Variants in CYP4Z1 observed in about 807,000 individuals in gnomAD.
CYP4Z1 encodes the protein cytochrome P450 4Z1.
CYP4Z1 carries 41 observed loss-of-function variants against 54.2 expected under a neutral mutation model. The observed-to-expected ratio is 0.76, with a 90% CI of 0.59 to 0.98. CYP4Z1 has a LOEUF of 0.98. Among genes scored for constraint, CYP4Z1 ranks in the 50% least tolerant of loss-of-function variants. CYP4Z1 has a pLI of 0.00. For synonymous variants in CYP4Z1, 163 were observed against 206.2 expected (o/e 0.79, Z 1.79); for missense variants, 513 against 599.0 (o/e 0.86, Z 1.50).
chr1:47,084,799 T>C, intron 5 of CYP4Z1, 25 bp from the exon 6 acceptor site: 1 of 1,602,228 alleles, frequency 6.2e-7, no homozygotes, highest in Non-Finnish European at 8.5e-7. Flanking sequence ...CCCACTAACA[T>C]GTTGTTCCAT....
intron 9 of CYP4Z1, among the ~76,000 whole-genome samples, chr1:47,115,195 GAC>G (rs1282745047): frequency 6.6e-6 from 1 of 151,976 alleles, no homozygotes. Context: ...CTATCGCAAG[GAC>G]AAAAAACCAA....
chr1:47,102,796 G>A (rs1644730109), intron 8 of CYP4Z1, among the ~76,000 whole-genome samples: 1 of 152,038 alleles, frequency 6.6e-6, no homozygotes, highest in South Asian at 2.1e-4. Context: ...ACTGTAATAC[G>A]CTGTAGAGAA....
At chr1:47,055,893 G>C in the CYP4Z1 span, among the ~76,000 whole-genome samples, 23 of 150,836 alleles carry the variant, frequency 1.5e-4, no homozygotes, top group African/African-American at 5.6e-4. Context: ...TTGATTTTTT[G>C]AAGGGTTTTT....
intron 8 of CYP4Z1, among the ~76,000 whole-genome samples, 169 bp downstream of exon 8, chr1:47,099,453 T>C (rs1314422794): frequency 6.6e-6 from 1 of 152,136 alleles, no homozygotes; most frequent in African/African-American, 2.4e-5. Context: ...CTAGTTTTTA[T>C]ATAGAAAAAC....
intron 6 of CYP4Z1, among the ~76,000 whole-genome samples, chr1:47,088,460 T>G (rs1204199066): frequency 6.6e-6 from 1 of 152,234 alleles, no homozygotes; most frequent in Non-Finnish European, 1.5e-5. Context: ...CCATTTCTTC[T>G]AGATTTACTA....
chr1:47,110,264 C>T (rs1331041987), intron 9 of CYP4Z1, among the ~76,000 whole-genome samples: 4 of 150,810 alleles, frequency 2.7e-5, no homozygotes, highest in Admixed American at 6.6e-5. Flanking sequence ...AAATAATTCA[C>T]AATCACTAAA....
At chr1:47,076,542 G>C (rs190537995) in intron 2 of CYP4Z1, among the ~76,000 whole-genome samples, 292 of 152,008 alleles carry the variant, frequency 1.9e-3, no homozygotes, top group African/African-American at 6.7e-3. Flanking sequence ...TTGTCCCTTT[G>C]GTTGTTTAAG....
At chr1:47,114,329 A>C (rs1049850276) in intron 9 of CYP4Z1, among the ~76,000 whole-genome samples, 1 of 152,178 alleles carries the variant, frequency 6.6e-6, no homozygotes, top group Non-Finnish European at 1.5e-5. Context: ...TTAGACCTAA[A>C]ACCATAAAAA....
chr1:47,098,053 G>A (rs1191116459), intron 7 of CYP4Z1, among the ~76,000 whole-genome samples: 1 of 152,064 alleles, frequency 6.6e-6, no homozygotes, highest in Non-Finnish European at 1.5e-5. Flanking sequence ...CTGAACTCAA[G>A]TGATCCTCCC....
At chr1:47,112,411 T>G (rs1460260908) in intron 9 of CYP4Z1, among the ~76,000 whole-genome samples, 26 of 152,150 alleles carry the variant, frequency 1.7e-4, no homozygotes, top group Admixed American at 1.7e-3. Flanking sequence ...TTCACAAATT[T>G]TTTCAAACCT....
At chr1:47,063,938 A>T (rs935194026), upstream of CYP4Z1, among the ~76,000 whole-genome samples, 1 of 152,198 alleles carries the variant, frequency 6.6e-6, no homozygotes, top group Admixed American at 6.5e-5. Context: ...GCACATAGCC[A>T]TCAGGTTATC....
rs573682468 is a variant in CYP4Z1, at chr1:47,087,862, A to G, written c.772+2884A>G. Among the ~76,000 whole-genome samples the G allele has an allele frequency of 1.2e-3, 185 of 152,320 alleles. 1 individual carries two copies. The highest frequency in any genetic ancestry group is 3.9e-3 in the African/African-American group (162 of 41,558). ...TAAATAGCTCTTATTATTTTGAGAT[A>G]CATCCCATCAATACCTAATTTATTG... On this transcript the variant is annotated intron_variant, in intron 6 of 11. Transcript: ENST00000334194.
At chr1:47,056,633 G>A in the CYP4Z1 span, among the ~76,000 whole-genome samples, 2 of 152,186 alleles carry the variant, frequency 1.3e-5, no homozygotes, top group African/African-American at 4.8e-5. Flanking sequence ...ATTTCAGATA[G>A]TTAGCTCTTC....
chr1:47,085,647 T>G (rs566215776), intron 6 of CYP4Z1, among the ~76,000 whole-genome samples: 1 of 152,270 alleles, frequency 6.6e-6, no homozygotes, highest in African/African-American at 2.4e-5. Flanking sequence ...TTTTTCCATT[T>G]CTGTGCCCTT....
intron 4 of CYP4Z1, among the ~76,000 whole-genome samples, chr1:47,082,718 A>G (rs78692985): frequency 6.6e-6 from 1 of 151,660 alleles, no homozygotes; most frequent in African/African-American, 2.4e-5. Context: ...CAGTAGACTC[A>G]CTACATTTGG....
intron 8 of CYP4Z1, among the ~76,000 whole-genome samples, chr1:47,105,891 T>C (rs1419501416): frequency 6.7e-6 from 1 of 149,144 alleles, no homozygotes; most frequent in Non-Finnish European, 1.5e-5. Context: ...GGAATAAGTA[T>C]GTCTCAGGAT....
rs1412791302 is a variant in CYP4Z1 at position 47,116,709 on chromosome 1, C to T, written c.1326C>T (p.Phe442=). Residue 442 remains phenylalanine (F), a synonymous_variant, in exon 11 of 12, where the codon TTC becomes TTT. Coordinates refer to ENST00000334194, the MANE Select transcript of CYP4Z1 (RefSeq NM_178134.3). ...CTGAAAAAATACATCCCTATGCCTT[C>T]ATACCATTCTCAGCTGGATTAAGGT... ...ENSEKIHPYA[F]IPFSAGLRNC... is the part of the protein sequence containing the mutation. The T allele has an allele frequency of 6.2e-7, 1 of 1,610,894 alleles. No individual in the cohort carries two copies. Among genetic ancestry groups the T allele is most frequent in the Non-Finnish European group, 8.5e-7 (1 of 1,177,904 alleles).
At chr1:47,116,790 T>G in intron 11 of CYP4Z1, 58 bp downstream of exon 11, 3 of 1,315,322 alleles carry the variant, frequency 2.3e-6, no homozygotes, top group Non-Finnish European at 3.2e-6. Context: ...ACCTGACAAG[T>G]GCTTCTTCCC....
chr1:47,079,160 T>C (rs397833352), intron 2 of CYP4Z1, among the ~76,000 whole-genome samples: 7 of 152,180 alleles, frequency 4.6e-5, no homozygotes, highest in South Asian at 4.1e-4. Flanking sequence ...ACAAGGACCA[T>C]TCTGCTTTCT....
Sources: allele counts gnomAD v4.1 joint callset (sites outside exome capture counted in the v4.1 genomes callset), GRCh38; gene constraint gnomAD v4.1.1; transcripts MANE v1.5; gene names NCBI Gene and HGNC (gene_info 2026-07-23, HGNC 2026-07-21).